The following ERBB4 variants were observed in gnomAD, a reference collection of about 807,000 sequenced individuals.
The protein encoded by ERBB4 is erb-b2 receptor tyrosine kinase 4.
In ERBB4, 42 loss-of-function variants were observed where a neutral mutation model predicts 158.0. The observed-to-expected ratio is 0.27, with a 90% confidence interval of 0.21 to 0.34. The LOEUF (loss-of-function observed/expected upper bound fraction) is 0.34. Among genes scored for constraint, ERBB4 ranks in the 10% least tolerant of loss-of-function variants. The pLI is 1.00. For synonymous variants in ERBB4, 583 were observed against 558.7 expected, an observed-to-expected ratio of 1.04 and a Z score of -0.61; for missense variants, 1,333 against 1,624.1, an observed-to-expected ratio of 0.82 and a Z score of 3.08.
intron 1 of ERBB4, among the ~76,000 whole-genome samples, chr2:212,130,821 C>T (rs1232710267): frequency 1.3e-5 from 2 of 152,048 alleles, no homozygotes; most frequent in East Asian, 3.9e-4. Flanking sequence ...AGGCACGTAG[C>T]AAGGAAAGCA....
chr2:211,883,310 GC>G (rs1460865723), intron 3 of ERBB4, among the ~76,000 whole-genome samples: 1 of 152,098 alleles, frequency 6.6e-6, no homozygotes, highest in African/African-American at 2.4e-5. Flanking sequence ...GGTGGGTGGA[GC>G]GGGGAGGGAT....
chr2:212,137,978 T>C (rs1025803521), intron 1 of ERBB4, among the ~76,000 whole-genome samples: 1 of 152,214 alleles, frequency 6.6e-6, no homozygotes, highest in Non-Finnish European at 1.5e-5. Context: ...AAACAATACA[T>C]GGTGCTCTGG....
intron 3 of ERBB4, among the ~76,000 whole-genome samples, chr2:211,844,160 G>C (rs1187862680): frequency 6.6e-6 from 1 of 151,968 alleles, no homozygotes; most frequent in Non-Finnish European, 1.5e-5. Flanking sequence ...CTTACTAGAT[G>C]AATGAACACA....
At chr2:211,674,926 C>T (rs934121395) in intron 13 of ERBB4, among the ~76,000 whole-genome samples, 2 of 152,116 alleles carry the variant, frequency 1.3e-5, no homozygotes, top group Admixed American at 6.5e-5. Context: ...CTTCCCCACA[C>T]GCAGAGTTGA....
At chr2:211,772,949 A>AT (rs1441700991) in intron 4 of ERBB4, among the ~76,000 whole-genome samples, 1,020 of 74,984 alleles carry the variant, frequency 0.014, 114 homozygotes, top group African/African-American at 0.071. Flanking sequence ...ATATATATAT[A>AT]TATATATTTT....
At position 212,538,763 on chromosome 2, in the gene ERBB4, T is replaced by G. The variant is rs1575106822; in HGVS notation, c.-233A>C. On this transcript the variant is annotated 5_prime_UTR_variant, in exon 1 of 28. Coordinates refer to ENST00000342788, the MANE Select transcript of ERBB4 (RefSeq NM_005235.3). ...GAGCGCGTGTGTGCGCGTGTGGGAG[T>G]GTGCTCGGTGTGTGCGCTTGGCGCT... 2.6e-6 allele frequency: 1 copy of G among 383,498 alleles called. No individual in the cohort carries two copies. The highest frequency in any genetic ancestry group is 4.1e-5 in the East Asian group (1 of 24,648). The allele number at this position is 383,498 out of a possible 1,614,324, so 23.8% of individuals were successfully genotyped here.
chr2:211,749,811 A>C (rs2075075307), intron 5 of ERBB4, among the ~76,000 whole-genome samples: 1 of 152,228 alleles, frequency 6.6e-6, no homozygotes, highest in South Asian at 2.1e-4. Context: ...TGTATCATCT[A>C]TGATAACAAA....
At chr2:211,911,813 A>G (rs1329942302) in intron 3 of ERBB4, among the ~76,000 whole-genome samples, 1 of 146,128 alleles carries the variant, frequency 6.8e-6, no homozygotes, top group Non-Finnish European at 1.5e-5. Flanking sequence ...GAGAGGTTTT[A>G]TTCTTTTCTT....
intron 1 of ERBB4, among the ~76,000 whole-genome samples, chr2:212,403,426 CAG>C (rs1015866118): frequency 2.0e-5 from 3 of 152,020 alleles, no homozygotes; most frequent in Non-Finnish European, 2.9e-5. Context: ...ATCAGAATCT[CAG>C]AGAGATATTT....
intron 1 of ERBB4, among the ~76,000 whole-genome samples, chr2:212,136,667 T>C (rs1354845388): frequency 6.6e-6 from 1 of 152,230 alleles, no homozygotes; most frequent in Non-Finnish European, 1.5e-5. Context: ...TGCATAATTG[T>C]AAACAGAAGC....
chr2:212,200,125 A>G (rs2082549518), intron 1 of ERBB4, among the ~76,000 whole-genome samples: 1 of 152,186 alleles, frequency 6.6e-6, no homozygotes, highest in East Asian at 1.9e-4. Flanking sequence ...ACAAATCAGT[A>G]ATGGTCTCCA....
intron 14 of ERBB4, among the ~76,000 whole-genome samples, 198 bp from the exon 15 acceptor site, chr2:211,665,675 G>A (rs2071604998): frequency 6.6e-6 from 1 of 152,174 alleles, no homozygotes; most frequent in African/African-American, 2.4e-5. Flanking sequence ...ATCAAGTTCA[G>A]TTTTGATATC....
At chr2:211,758,933 T>C (rs1185564948) in intron 4 of ERBB4, among the ~76,000 whole-genome samples, 3 of 152,208 alleles carry the variant, frequency 2.0e-5, no homozygotes, top group Non-Finnish European at 2.9e-5. Flanking sequence ...TATGCAAACT[T>C]ATACTTCCAA....
chr2:211,662,957 A>G (rs748146566), intron 15 of ERBB4, among the ~76,000 whole-genome samples: 19 of 152,202 alleles, frequency 1.2e-4, no homozygotes, highest in Non-Finnish European at 2.2e-4. Flanking sequence ...GTGAGCTCAC[A>G]CTTACTGATA....
intron 16 of ERBB4, among the ~76,000 whole-genome samples, chr2:211,649,612 A>C (rs2070908641): frequency 6.6e-6 from 1 of 151,870 alleles, no homozygotes; most frequent in Non-Finnish European, 1.5e-5. Flanking sequence ...CTCAACAAGT[A>C]AATTTTTTAT....
chr2:211,445,967 A>G (rs1359792552), intron 20 of ERBB4, among the ~76,000 whole-genome samples: 1 of 152,214 alleles, frequency 6.6e-6, no homozygotes, highest in Admixed American at 6.5e-5. Flanking sequence ...GCAGGTTTGT[A>G]AAGGAAGAGA....
intron 4 of ERBB4, among the ~76,000 whole-genome samples, chr2:211,752,214 T>C (rs2106213357): frequency 6.6e-6 from 1 of 152,056 alleles, no homozygotes; most frequent in East Asian, 1.9e-4. Context: ...TAAATCTAAA[T>C]TGATTTATAC....
At chr2:211,603,118 C>A (rs1364284673) in intron 19 of ERBB4, among the ~76,000 whole-genome samples, 1 of 152,106 alleles carries the variant, frequency 6.6e-6, no homozygotes, top group Non-Finnish European at 1.5e-5. Flanking sequence ...GTAGTCCCAG[C>A]TACTCGGGAG....
At chr2:211,575,136 C>T (rs1304710183) in intron 19 of ERBB4, among the ~76,000 whole-genome samples, 1 of 152,214 alleles carries the variant, frequency 6.6e-6, no homozygotes, top group Non-Finnish European at 1.5e-5. Context: ...TAGTCTCTTT[C>T]TGCCATGTTT....
Sources: allele counts gnomAD v4.1 joint callset (sites outside exome capture counted in the v4.1 genomes callset), GRCh38; gene constraint gnomAD v4.1.1; transcripts MANE v1.5; gene names NCBI Gene and HGNC (gene_info 2026-07-23, HGNC 2026-07-21).